Variants in AUH observed in about 807,000 individuals in gnomAD.
AUH encodes AU RNA binding methylglutaconyl-CoA hydratase.
In AUH, 29 loss-of-function variants were observed where a neutral mutation model predicts 42.3. The ratio of observed to expected loss-of-function variants is 0.69; its 90% CI spans 0.51 to 0.93. The LOEUF is 0.93. AUH is among the 40% of genes least tolerant of loss of function. The pLI, the probability that AUH is intolerant of heterozygous loss-of-function variation, is 0.00. For synonymous variants in AUH, 174 were observed against 166.4 expected (o/e 1.05, Z -0.35); for missense variants, 452 against 438.1 (o/e 1.03, Z -0.28).
intron 6 of AUH, among the ~76,000 whole-genome samples, chr9:91,278,122 A>C (rs1236286644): frequency 6.6e-6 from 1 of 152,200 alleles, no homozygotes; most frequent in East Asian, 1.9e-4. Flanking sequence ...AAAACAACGG[A>C]GGGCTGGCAA....
chr9:91,295,642 T>G (rs1332724961), intron 6 of AUH, among the ~76,000 whole-genome samples: 1 of 152,190 alleles, frequency 6.6e-6, no homozygotes, highest in African/African-American at 2.4e-5. Flanking sequence ...GCAAAAAGAT[T>G]ATGATTCTTT....
intron 1 of AUH, among the ~76,000 whole-genome samples, chr9:91,357,243 G>A (rs1345672360): frequency 6.6e-6 from 1 of 152,156 alleles, no homozygotes; most frequent in Non-Finnish European, 1.5e-5. Flanking sequence ...TGCTTTAAGC[G>A]AATTAACTCA....
chr9:91,358,501 C>T (rs1296148978), intron 1 of AUH, among the ~76,000 whole-genome samples: 2 of 152,250 alleles, frequency 1.3e-5, no homozygotes, highest in East Asian at 3.9e-4. Context: ...CCTCTCTGAT[C>T]CTCAGTTTCT....
chr9:91,229,510 T>C (rs1827737272), intron 6 of AUH, among the ~76,000 whole-genome samples: 2 of 150,832 alleles, frequency 1.3e-5, no homozygotes, highest in Non-Finnish European at 3.0e-5. Flanking sequence ...CTTTATCCAA[T>C]TTGCCAGTCT....
At chr9:91,339,910 C>T (rs923144435) in intron 3 of AUH, among the ~76,000 whole-genome samples, 3 of 152,130 alleles carry the variant, frequency 2.0e-5, no homozygotes, top group South Asian at 2.1e-4. Context: ...TCTTGCTGAT[C>T]GAGATCAGCG....
At chr9:91,333,621 A>C (rs1009118346) in intron 3 of AUH, among the ~76,000 whole-genome samples, 12 of 152,216 alleles carry the variant, frequency 7.9e-5, no homozygotes, top group African/African-American at 2.9e-4. Flanking sequence ...TGCTAGAGTG[A>C]GGCAGGATTT....
chr9:91,278,650 A>G (rs980061467), intron 6 of AUH, among the ~76,000 whole-genome samples: 7 of 152,232 alleles, frequency 4.6e-5, no homozygotes, highest in South Asian at 2.1e-4. Flanking sequence ...TCATTTCACA[A>G]AAATAATGCA....
intron 4 of AUH, among the ~76,000 whole-genome samples, chr9:91,298,546 C>A (rs1352110334): frequency 6.6e-6 from 1 of 152,160 alleles, no homozygotes; most frequent in Non-Finnish European, 1.5e-5. Flanking sequence ...AAGAAACTGT[C>A]CAAGTAGTTG....
intron 3 of AUH, among the ~76,000 whole-genome samples, chr9:91,329,524 A>C (rs1449283526): frequency 2.6e-5 from 4 of 152,188 alleles, no homozygotes; most frequent in Non-Finnish European, 5.9e-5. Context: ...TCATGTGCTT[A>C]CTGGCCATTC....
intron 6 of AUH, among the ~76,000 whole-genome samples, chr9:91,291,689 T>C (rs1457602367): frequency 6.6e-6 from 1 of 152,214 alleles, no homozygotes; most frequent in East Asian, 1.9e-4. Flanking sequence ...CTGTAACCTA[T>C]GTTTTAAATT....
rs538442948 is a variant in AUH, at chr9:91,260,591, T to G, written c.655+35430A>C. On this transcript the variant is annotated intron_variant, in intron 6 of 9. Coordinates refer to ENST00000375731, the MANE Select transcript of AUH (RefSeq NM_001698.3). ...ATACTTTAAAATATCCCAATGATGG[T>G]ACATATACCTCTTAGATGCACAGGA... 9.8e-5 allele frequency among the ~76,000 whole-genome samples: 15 copies of G among 152,342 alleles called. No homozygotes were observed. The South Asian group carries it at 2.9e-3, about 29-fold the overall frequency.
At chr9:91,298,144 AT>A (rs750783458) in intron 4 of AUH, 68 bp from the exon 5 acceptor site, 4 of 1,300,060 alleles carry the variant, frequency 3.1e-6, no homozygotes, top group South Asian at 2.4e-5. Context: ...TTCATTTTTA[AT>A]TTTTTTCTGT....
intron 6 of AUH, among the ~76,000 whole-genome samples, chr9:91,253,920 T>A (rs1829271061): frequency 6.6e-6 from 1 of 152,204 alleles, no homozygotes; most frequent in Admixed American, 6.5e-5. Flanking sequence ...AAGCTATAAA[T>A]ATGTTGTGAA....
chr9:91,295,785 C>T (rs564075599), intron 6 of AUH, among the ~76,000 whole-genome samples: 1 of 152,284 alleles, frequency 6.6e-6, no homozygotes, highest in Admixed American at 6.5e-5. Flanking sequence ...CTTTTATATG[C>T]ACTGGGAAAC....
At chr9:91,267,041 T>C (rs762733689) in intron 6 of AUH, among the ~76,000 whole-genome samples, 1 of 152,130 alleles carries the variant, frequency 6.6e-6, no homozygotes, top group South Asian at 2.1e-4. Context: ...TCCAGGTCTC[T>C]TGATTATCAG....
chr9:91,227,385 T>C lies in AUH; in HGVS notation c.656-6393A>G, dbSNP rs1453434359. Among the ~76,000 whole-genome samples, 79 of 122,178 alleles carry C rather than the reference T, an allele frequency of 6.5e-4. 1 individual carries two copies. The East Asian group carries it at 0.016, about 25-fold the overall frequency. 80.2% of individuals were successfully genotyped at this position (122,178 alleles called of 152,430 possible). ...TGTTGGTGTATAGGAATGCTTGTGATTTTTGCACATTGATTTTGTATCCTG... is the reference window on the plus strand; with the variant it reads ...TGTTGGTGTATAGGAATGCTTGTGACTTTTGCACATTGATTTTGTATCCTG... On this transcript the variant is annotated intron_variant, in intron 6 of 9. Transcript: ENST00000375731.
At chr9:91,344,117 G>C (rs1831306439) in intron 3 of AUH, among the ~76,000 whole-genome samples, 1 of 152,174 alleles carries the variant, frequency 6.6e-6, no homozygotes, top group Non-Finnish European at 1.5e-5. Context: ...AAGACTGACA[G>C]AACAGGCCCT....
intron 3 of AUH, among the ~76,000 whole-genome samples, chr9:91,334,336 A>C (rs777163061): frequency 1.3e-4 from 19 of 151,650 alleles, no homozygotes; most frequent in Middle Eastern, 3.4e-3. Flanking sequence ...AACTGCAAAG[A>C]AGCAGCCCTT....
intron 6 of AUH, among the ~76,000 whole-genome samples, chr9:91,276,685 T>C (rs749606374): frequency 3.9e-5 from 6 of 152,206 alleles, no homozygotes; most frequent in Non-Finnish European, 8.8e-5. Context: ...AGGATCTTTA[T>C]GTGATATGCA....
Sources: gnomAD v4.1 joint callset for allele counts (sites outside exome capture counted in the v4.1 genomes callset) on GRCh38, gnomAD v4.1.1 for gene constraint, MANE v1.5 for transcripts, NCBI Gene and HGNC (gene_info 2026-07-23, HGNC 2026-07-21) for gene names.